The following USP6NL variants were observed in gnomAD, a reference collection of about 807,000 sequenced individuals.
USP6NL encodes the protein USP6 N-terminal-like protein.
In USP6NL, 26 loss-of-function variants were observed where a neutral mutation model predicts 61.9. The ratio of observed to expected loss-of-function variants is 0.42; its 90% confidence interval spans 0.31 to 0.58. The LOEUF is 0.58. USP6NL is among the 20% of genes least tolerant of loss of function. The probability of loss-of-function intolerance (pLI) is 0.16; values close to 1 mark genes in which losing one functional copy is unlikely to be tolerated. For missense variants in USP6NL, 1,114 were observed against 1,034.3 expected (o/e 1.08, Z -1.06); for synonymous variants, 432 against 390.1 (o/e 1.11, Z -1.27).
intron 14 of USP6NL, among the ~76,000 whole-genome samples, chr10:11,479,638 C>T (rs1428027591): frequency 6.7e-6 from 1 of 149,934 alleles, no homozygotes; most frequent in African/African-American, 2.5e-5. Flanking sequence ...CGCAGTGACG[C>T]GATCTCAGCT....
At chr10:11,494,969 C>G (rs1566134264) in intron 7 of USP6NL, among the ~76,000 whole-genome samples, 12 of 151,982 alleles carry the variant, frequency 7.9e-5, no homozygotes. Flanking sequence ...GGTGGAGGAG[C>G]AGAGTCTTCT....
chr10:11,484,395 A>C (rs2133235738), intron 13 of USP6NL, among the ~76,000 whole-genome samples: 1 of 141,654 alleles, frequency 7.1e-6, no homozygotes, highest in South Asian at 2.3e-4. Flanking sequence ...AAAATTCTCC[A>C]GTTTTTTTTT....
intron 2 of USP6NL, among the ~76,000 whole-genome samples, chr10:11,529,272 A>G (rs1403198996): frequency 6.6e-6 from 1 of 152,236 alleles, no homozygotes; most frequent in Non-Finnish European, 1.5e-5. Context: ...TGCACTGATA[A>G]TACTCAATGT....
intron 2 of USP6NL, among the ~76,000 whole-genome samples, chr10:11,594,342 C>G (rs776534347): frequency 6.6e-6 from 1 of 152,190 alleles, no homozygotes; most frequent in Non-Finnish European, 1.5e-5. Flanking sequence ...GAAAACAAGG[C>G]AAGAAAGGGT....
In USP6NL at chr10:11,525,455, G is replaced by A; in HGVS notation, c.86C>T (p.Ala29Val). ...VAKYDRGREG[A>V]EIEPWEDADY... Reference sequence around the variant, plus strand: ...AGCATCTTCCCAAGGTTCAATCTCTGCACCTTCTCGTCCCTAAAATAAGGC... The same window carrying A: ...AGCATCTTCCCAAGGTTCAATCTCTACACCTTCTCGTCCCTAAAATAAGGC... Residue 29 changes from alanine (A) to valine (V), a missense_variant, in exon 4 of 15, where the codon GCA becomes GTA. Physicochemically the swap from Ala to Val is moderately conservative, Grantham distance 64. Transcript: ENST00000609104. This position sits in a 1 kb window ranked among gnomAD's most constrained non-coding sequence, Gnocchi z 5.0. The A allele has an allele frequency of 6.3e-7, 1 of 1,591,688 alleles. No individual in the cohort carries two copies. The highest frequency in any genetic ancestry group is 8.5e-7 in the Non-Finnish European group (1 of 1,173,524).
chr10:11,481,655 T>C lies in USP6NL; in HGVS notation c.1078+115A>G. The C allele has an allele frequency of 8.8e-7, 1 of 1,141,824 alleles. No individual in the cohort carries two copies. The highest frequency in any genetic ancestry group is 1.2e-6 in the Non-Finnish European group (1 of 858,548). The allele number at this position is 1,141,824 out of a possible 1,614,324, so 70.7% of individuals were successfully genotyped here. A position where few individuals can be genotyped will look rare whatever the true frequency, so the allele number is the denominator to read the frequency against. On this transcript the variant is annotated intron_variant, in intron 14 of 14. Coordinates refer to ENST00000609104, the MANE Select transcript of USP6NL (RefSeq NM_014688.5). This position sits in a 1 kb window ranked among gnomAD's most constrained non-coding sequence, Gnocchi z 4.4. ...GAGCTGGTAAGGCATTCATCCACAT[T>C]ATGTCATCACAAGTATAATGCTTAC...
intron 2 of USP6NL, among the ~76,000 whole-genome samples, chr10:11,576,274 C>G (rs1435883602): frequency 6.6e-6 from 1 of 151,958 alleles, no homozygotes; most frequent in African/African-American, 2.4e-5. Flanking sequence ...TGGAGTGTAC[C>G]CAGAAGAGGC....
chr10:11,537,670 C>T lies in USP6NL; in HGVS notation c.5-10103G>A, dbSNP rs1835884935. ...ACAAATTCTATAAATGCCCAGTTGC[C>T]AAGCAAGTAGGGTCAGTGGGGCTGG... is the stretch of plus-strand genomic sequence containing the variant. On this transcript the variant is annotated intron_variant, in intron 2 of 14. Coordinates refer to ENST00000609104, the MANE Select transcript of USP6NL (RefSeq NM_014688.5). The surrounding 1 kb of genome is among the most constrained non-coding windows in gnomAD (Gnocchi z 5.1). 6.6e-6 allele frequency among the ~76,000 whole-genome samples: 1 copy of T among 152,158 alleles called. No homozygotes were observed. Among genetic ancestry groups the T allele is most frequent in the African/African-American group, 2.4e-5 (1 of 41,440 alleles).
chr10:11,583,435 C>T (rs530600951), intron 2 of USP6NL, among the ~76,000 whole-genome samples: 3 of 152,118 alleles, frequency 2.0e-5, no homozygotes, highest in East Asian at 3.9e-4. Flanking sequence ...TCAGGATCCA[C>T]CCACCTCAGC....
rs941522131 is a variant in USP6NL at position 11,510,924 on chromosome 10, C to T, written c.196-1249G>A. On this transcript the variant is annotated intron_variant, in intron 5 of 14. Transcript: ENST00000609104. This position sits in a 1 kb window ranked among gnomAD's most constrained non-coding sequence, Gnocchi z 4.8. Reference sequence around the variant, plus strand: ...TCTCTGGCTCCCATCCTGTCCTCTGCCCTAGTTCAGGCAATCATCATTCCT... The same window carrying T: ...TCTCTGGCTCCCATCCTGTCCTCTGTCCTAGTTCAGGCAATCATCATTCCT... Among the ~76,000 whole-genome samples the T allele has an allele frequency of 2.6e-5, 4 of 152,208 alleles. No homozygotes were observed. Among genetic ancestry groups the T allele is most frequent in the African/African-American group, 9.6e-5 (4 of 41,454 alleles).
chr10:11,605,430 A>C (rs1296293659), intron 1 of USP6NL, among the ~76,000 whole-genome samples: 1 of 152,198 alleles, frequency 6.6e-6, no homozygotes, highest in African/African-American at 2.4e-5. Context: ...AATGAAAAAA[A>C]TCCTTACCTA....
At chr10:11,498,011 G>A (rs1226199433) in intron 7 of USP6NL, among the ~76,000 whole-genome samples, 2 of 152,006 alleles carry the variant, frequency 1.3e-5, no homozygotes, top group African/African-American at 4.8e-5. Flanking sequence ...GCCAAGGCGG[G>A]TGGATCACGA....
At chr10:11,565,242 G>C (rs941274511) in intron 2 of USP6NL, 3 of 152,056 alleles carry the variant, frequency 2.0e-5, no homozygotes, top group African/African-American at 7.3e-5. Flanking sequence ...ACACACTTGA[G>C]TATACCCAAG....
At chr10:11,524,314 T>TTTA (rs1195488172) in intron 4 of USP6NL, among the ~76,000 whole-genome samples, 1 of 152,182 alleles carries the variant, frequency 6.6e-6, no homozygotes, top group Non-Finnish European at 1.5e-5. Context: ...TGTCCAGAAC[T>TTTA]TTATAAAGTA....
At chr10:11,531,071 T>C (rs1835637375) in intron 2 of USP6NL, among the ~76,000 whole-genome samples, 1 of 152,244 alleles carries the variant, frequency 6.6e-6, no homozygotes, top group African/African-American at 2.4e-5. Flanking sequence ...TGTCACATCA[T>C]TATCAAATAA....
Position 11,465,593 on chromosome 10 carries a change from T to TCTG in USP6NL, c.1079-1747_1079-1745dup, listed in dbSNP as rs543745338. 0.016 allele frequency among the ~76,000 whole-genome samples: 2,458 copies of TCTG among 152,060 alleles called. 62 individuals are homozygous for TCTG. The highest frequency in any genetic ancestry group is 0.054 in the African/African-American group (2,240 of 41,480). ...AAAAAAGGAATAGATTTCCAGCTGG[T>TCTG]CTGCTGCTGCTGCTGCTGCTACTGC... is the stretch of plus-strand genomic sequence containing the variant. On this transcript the variant is annotated intron_variant, in intron 14 of 14. Coordinates refer to ENST00000609104, the MANE Select transcript of USP6NL (RefSeq NM_014688.5). The surrounding 1 kb of genome is among the most constrained non-coding windows in gnomAD (Gnocchi z 4.5).
intron 2 of USP6NL, among the ~76,000 whole-genome samples, chr10:11,593,632 T>C (rs1838228497): frequency 6.6e-6 from 1 of 152,214 alleles, no homozygotes; most frequent in African/African-American, 2.4e-5. Context: ...ATGCACATCA[T>C]ACTAACAGCA....
chr10:11,560,625 A>G (rs957817691), intron 2 of USP6NL, among the ~76,000 whole-genome samples: 5 of 150,846 alleles, frequency 3.3e-5, no homozygotes, highest in Admixed American at 1.3e-4. Flanking sequence ...GCAATACTTC[A>G]CTGACTCAAG....
rs187291271 is a variant in USP6NL at position 11,562,959 on chromosome 10, C to T, written c.4+34672G>A. Among the ~76,000 whole-genome samples, 2 of 151,790 alleles carry T rather than the reference C, an allele frequency of 1.3e-5. No homozygotes were observed. The highest frequency in any genetic ancestry group is 2.9e-5 in the Non-Finnish European group (2 of 67,926). ...TTTATATTTATGTCGACACAAAAAT[C>T]TGAATGTTCATAGTAGCTTTATTTG... On this transcript the variant is annotated intron_variant, in intron 2 of 14. Transcript: ENST00000609104. This position sits in a 1 kb window ranked among gnomAD's most constrained non-coding sequence, Gnocchi z 4.8.
Sources: gnomAD v4.1 joint callset for allele counts (sites outside exome capture counted in the v4.1 genomes callset) on GRCh38, gnomAD v4.1.1 for gene constraint, Gnocchi (gnomAD v3.1) non-coding constraint, MANE v1.5 for transcripts, NCBI Gene and HGNC (gene_info 2026-07-23, HGNC 2026-07-21) for gene names.